ZNF536: variants seen among roughly 807,000 people sequenced by gnomAD.
ZNF536 encodes the protein zinc finger protein 536.
A neutral mutation model predicts 84.5 loss-of-function variants in ZNF536; 13 were observed. The observed-to-expected ratio is 0.15, with a 90% CI of 0.10 to 0.24. The LOEUF (loss-of-function observed/expected upper bound fraction) is 0.24. Ranked by LOEUF, ZNF536 falls within the 10% of genes least tolerant of loss-of-function variation. The pLI is 1.00. For missense variants in ZNF536, 1,536 were observed against 1,747.5 expected, an observed-to-expected ratio of 0.88 and a Z score of 2.16; for synonymous variants, 811 against 742.5, an observed-to-expected ratio of 1.09 and a Z score of -1.50.
At chr19:30,710,273 T>G (rs2052410824) in intron 1 of ZNF536, among the ~76,000 whole-genome samples, 1 of 152,176 alleles carries the variant, frequency 6.6e-6, no homozygotes, top group African/African-American at 2.4e-5. Flanking sequence ...CCTGGTGTGG[T>G]GGCTTGCACC....
At chr19:30,462,144 A>G (rs571889635) in intron 2 of ZNF536, among the ~76,000 whole-genome samples, 123 of 152,322 alleles carry the variant, frequency 8.1e-4, no homozygotes, top group Admixed American at 2.0e-3. Context: ...GCCACTTTGC[A>G]CTGGACACAT....
chr19:30,603,612 T>C (rs753758019), intron 1 of ZNF536, among the ~76,000 whole-genome samples: 15 of 152,124 alleles, frequency 9.9e-5, no homozygotes, highest in Non-Finnish European at 1.9e-4. Context: ...AAATTAATTT[T>C]AGAAAGGAAA....
chr19:30,698,933 A>C (rs1017687845), intron 1 of ZNF536, among the ~76,000 whole-genome samples: 9 of 152,182 alleles, frequency 5.9e-5, no homozygotes, highest in African/African-American at 1.9e-4. Context: ...CCCTGTATTT[A>C]TTGATGCAAT....
chr19:30,615,598 T>C (rs2048265755), intron 1 of ZNF536, among the ~76,000 whole-genome samples: 1 of 152,184 alleles, frequency 6.6e-6, no homozygotes, highest in African/African-American at 2.4e-5. Context: ...GTTTTGTATT[T>C]ATTTTATGTG....
At chr19:30,569,620 G>A (rs1026633415) in intron 1 of ZNF536, among the ~76,000 whole-genome samples, 43 of 133,284 alleles carry the variant, frequency 3.2e-4, no homozygotes, top group African/African-American at 1.2e-3. Flanking sequence ...ACCCAGTCTG[G>A]AGTGCAGTGG....
Position 30,463,501 on chromosome 19 carries a change from G to T in ZNF536, c.2170+17769G>T, listed in dbSNP as rs76429164. ...GAGCCTCTGTTCTGGAGCTCAGCCA[G>T]CCTTGTGCCCGGAGGAGGTCCGTGA... On this transcript the variant is annotated intron_variant, in intron 2 of 4. Transcript: ENST00000355537. Among the ~76,000 whole-genome samples, 267 of 152,320 alleles carry T rather than the reference G, an allele frequency of 1.8e-3. 5 individuals are homozygous for T. The East Asian group carries it at 0.041, about 24-fold the overall frequency.
chr19:30,429,961 A>T (rs2051377807), intron 1 of ZNF536, among the ~76,000 whole-genome samples: 1 of 151,360 alleles, frequency 6.6e-6, no homozygotes, highest in Admixed American at 6.6e-5. Context: ...GAGGTCCTGG[A>T]TAAGGGTACA....
chr19:30,405,898 C>T (rs1172211991), intron 1 of ZNF536, among the ~76,000 whole-genome samples: 2 of 152,104 alleles, frequency 1.3e-5, no homozygotes, highest in African/African-American at 4.8e-5. Flanking sequence ...CTGCCTCAGC[C>T]TCCCGAGTAG....
intron 1 of ZNF536, among the ~76,000 whole-genome samples, chr19:30,234,774 C>CGT (rs201942474): frequency 1.3e-5 from 2 of 150,450 alleles, no homozygotes; most frequent in African/African-American, 2.5e-5. Flanking sequence ...CACACACACA[C>CGT]GCGCACACGC....
intron 2 of ZNF536, among the ~76,000 whole-genome samples, chr19:30,526,948 T>G (rs2145815761): frequency 6.6e-6 from 1 of 152,070 alleles, no homozygotes; most frequent in South Asian, 2.1e-4. Context: ...AGACGGATTT[T>G]CACTCTGTCA....
intron 1 of ZNF536, among the ~76,000 whole-genome samples, chr19:30,272,244 A>G (rs1488014603): frequency 1.3e-5 from 2 of 152,126 alleles, no homozygotes; most frequent in African/African-American, 4.8e-5. Context: ...AGAACTTTGT[A>G]AATTATTTTT....
intron 1 of ZNF536, among the ~76,000 whole-genome samples, chr19:30,630,141 T>G (rs948055669): frequency 2.0e-5 from 3 of 152,230 alleles, no homozygotes; most frequent in Admixed American, 2.0e-4. Flanking sequence ...CACCAGGGGC[T>G]ACAGCTGGTA....
intron 1 of ZNF536, among the ~76,000 whole-genome samples, chr19:30,645,926 G>C (rs886464480): frequency 6.6e-6 from 1 of 152,048 alleles, no homozygotes; most frequent in African/African-American, 2.4e-5. Context: ...GGGAAAGTTC[G>C]CCATGCCGTT....
intron 1 of ZNF536, among the ~76,000 whole-genome samples, chr19:30,270,230 A>C (rs2025753108): frequency 6.6e-6 from 1 of 152,206 alleles, no homozygotes; most frequent in Non-Finnish European, 1.5e-5. Flanking sequence ...CCGGGAGTGC[A>C]TCTTTTTAGC....
intron 1 of ZNF536, among the ~76,000 whole-genome samples, chr19:30,391,261 G>A (rs1424501576): frequency 6.6e-6 from 1 of 152,210 alleles, no homozygotes; most frequent in Admixed American, 6.5e-5. Context: ...CCCCACATCT[G>A]TCCCAGTAGA....
downstream of ZNF536, among the ~76,000 whole-genome samples, chr19:30,559,668 G>A (rs143389247): frequency 3.8e-3 from 582 of 152,298 alleles, 1 homozygote; most frequent in Non-Finnish European, 6.1e-3. Flanking sequence ...GATGGCATGT[G>A]GGGGGCTGGG....
chr19:30,309,105 T>A (rs908562977), intron 2 of ZNF536, among the ~76,000 whole-genome samples: 1 of 151,874 alleles, frequency 6.6e-6, no homozygotes, highest in Admixed American at 6.6e-5. Context: ...AAAGAAGACA[T>A]GTAAGGGGAA....
intron 2 of ZNF536, among the ~76,000 whole-genome samples, chr19:30,447,446 T>C (rs772886857): frequency 2.6e-5 from 4 of 152,224 alleles, no homozygotes; most frequent in Non-Finnish European, 4.4e-5. Flanking sequence ...TAGCACTTAA[T>C]GCCGCTGCTT....
intron 2 of ZNF536, among the ~76,000 whole-genome samples, chr19:30,342,778 A>G (rs2047604183): frequency 6.6e-6 from 1 of 152,266 alleles, no homozygotes; most frequent in African/African-American, 2.4e-5. Flanking sequence ...ATTTTATCCA[A>G]CTTTATTGGC....
Sources: allele counts gnomAD v4.1 joint callset (sites outside exome capture counted in the v4.1 genomes callset), GRCh38; gene constraint gnomAD v4.1.1; transcripts MANE v1.5; gene names NCBI Gene and HGNC (gene_info 2026-07-23, HGNC 2026-07-21).